The following NME7 variants were observed in gnomAD, a reference collection of about 807,000 sequenced individuals.
NME7 encodes nucleoside diphosphate kinase 7.
A neutral mutation model predicts 49.1 loss-of-function variants in NME7; 41 were observed. The observed-to-expected ratio is 0.83, with a 90% CI of 0.65 to 1.08. The LOEUF (loss-of-function observed/expected upper bound fraction) is 1.08, where lower values mean the gene tolerates loss of function less well. NME7 is among the 50% of genes least tolerant of loss of function. The pLI is 0.00. For synonymous variants in NME7, 139 were observed against 150.6 expected, an observed-to-expected ratio of 0.92 and a Z score of 0.56; for missense variants, 423 against 463.4, an observed-to-expected ratio of 0.91 and a Z score of 0.80.
At chr1:169,336,572 G>C (rs996271660) in intron 1 of NME7, among the ~76,000 whole-genome samples, 3 of 152,060 alleles carry the variant, frequency 2.0e-5, no homozygotes, top group Admixed American at 2.0e-4. Flanking sequence ...ACAGAGTGTC[G>C]ATTGGTGCAT....
chr1:169,227,822 G>T (rs1647406439), intron 10 of NME7, among the ~76,000 whole-genome samples: 1 of 152,060 alleles, frequency 6.6e-6, no homozygotes, highest in Non-Finnish European at 1.5e-5. Context: ...AAACCACTGT[G>T]TCACACATTC....
intron 11 of NME7, among the ~76,000 whole-genome samples, chr1:169,135,769 C>T (rs1658409850): frequency 6.6e-6 from 1 of 152,054 alleles, no homozygotes; most frequent in Non-Finnish European, 1.5e-5. Context: ...TTGGTTCATG[C>T]TTTAATTCTC....
intron 5 of NME7, among the ~76,000 whole-genome samples, chr1:169,299,108 C>T (rs780497736): frequency 2.0e-5 from 3 of 152,160 alleles, no homozygotes; most frequent in African/African-American, 4.8e-5. Flanking sequence ...TTTTTATTTA[C>T]ATGTGTTTAC....
chr1:169,211,064 A>G (rs3766077), intron 10 of NME7, among the ~76,000 whole-genome samples: 46,582 of 151,816 alleles, frequency 0.31, 7,735 homozygotes, highest in Non-Finnish European at 0.39. Context: ...ATCAAAGAAC[A>G]TATCTCATGT....
At chr1:169,198,538 AAAGTACTG>A (rs1660453828) in intron 10 of NME7, among the ~76,000 whole-genome samples, 1 of 152,152 alleles carries the variant, frequency 6.6e-6, no homozygotes, top group Non-Finnish European at 1.5e-5. Flanking sequence ...AAAAAGGAAT[AAAGTACTG>A]AATGCATGAT....
intron 7 of NME7, among the ~76,000 whole-genome samples, chr1:169,241,281 G>A (rs4656667): frequency 0.38 from 57,267 of 151,714 alleles, 11,517 homozygotes; most frequent in East Asian, 0.79. Context: ...TAAAAATACA[G>A]TAACTACTAG....
chr1:169,286,083 G>C (rs1292621647), intron 7 of NME7: 2 of 151,982 alleles, frequency 1.3e-5, no homozygotes, highest in Non-Finnish European at 2.9e-5. Flanking sequence ...ATATTAATGA[G>C]GACTTAACAG....
chr1:169,277,943 T>G (rs1474560940), intron 7 of NME7, among the ~76,000 whole-genome samples: 1 of 146,664 alleles, frequency 6.8e-6, no homozygotes, highest in Non-Finnish European at 1.5e-5. Flanking sequence ...CCTTCGCTTA[T>G]GAAGCTTAGT....
intron 7 of NME7, among the ~76,000 whole-genome samples, chr1:169,282,233 C>T (rs1021041427): frequency 2.6e-5 from 4 of 152,134 alleles, no homozygotes; most frequent in Admixed American, 2.0e-4. Context: ...AGTTTATTTG[C>T]GTAGAGGTGT....
intron 1 of NME7, among the ~76,000 whole-genome samples, chr1:169,338,817 G>A (rs989868503): frequency 6.6e-6 from 1 of 152,170 alleles, no homozygotes; most frequent in African/African-American, 2.4e-5. Context: ...GGAAACAGAA[G>A]GTCAGATAAG....
At chr1:169,323,065 C>G (rs1651913043) in intron 3 of NME7, 52 bp downstream of exon 3, 1 of 1,423,422 alleles carries the variant, frequency 7.0e-7, no homozygotes, top group Admixed American at 2.4e-5. Flanking sequence ...TTCAGATTGA[C>G]TTTGAACCCA....
At chr1:169,365,860 G>A (rs2101995594) in intron 1 of NME7, among the ~76,000 whole-genome samples, 3 of 152,316 alleles carry the variant, frequency 2.0e-5, no homozygotes, top group Middle Eastern at 6.8e-3. Flanking sequence ...AGAAATAGAA[G>A]AGGGAGGAAT....
intron 3 of NME7, among the ~76,000 whole-genome samples, chr1:169,314,942 T>C (rs1651557907): frequency 6.6e-6 from 1 of 152,084 alleles, no homozygotes; most frequent in South Asian, 2.1e-4. Context: ...GTAAAAGGCA[T>C]TGCTAGAGAT....
intron 11 of NME7, among the ~76,000 whole-genome samples, chr1:169,164,109 CAAAAAA>C (rs34543492): frequency 8.0e-6 from 1 of 125,250 alleles, no homozygotes; most frequent in Non-Finnish European, 1.7e-5. Flanking sequence ...GACTCTGTCT[CAAAAAA>C]AAAAAAAAAA....
intron 10 of NME7, 120 bp from the exon 11 acceptor site, chr1:169,169,674 A>T (rs1414741498): frequency 1.1e-5 from 9 of 831,784 alleles, no homozygotes; most frequent in Non-Finnish European, 1.7e-5. Context: ...GACAGTGCTT[A>T]TAAGGGTTTT....
At chr1:169,141,424 A>C (rs1188193989) in intron 11 of NME7, among the ~76,000 whole-genome samples, 1 of 152,216 alleles carries the variant, frequency 6.6e-6, no homozygotes, top group Non-Finnish European at 1.5e-5. Context: ...AAGGAAATAA[A>C]GCAGGCTTAC....
intron 10 of NME7, among the ~76,000 whole-genome samples, chr1:169,214,923 C>T (rs1351424680): frequency 6.6e-6 from 1 of 152,246 alleles, no homozygotes; most frequent in Non-Finnish European, 1.5e-5. Flanking sequence ...CTCAGTGGGC[C>T]CTTTGCCTTA....
intron 4 of NME7, among the ~76,000 whole-genome samples, chr1:169,305,154 T>TA (rs1469654011): frequency 1.3e-5 from 2 of 152,182 alleles, no homozygotes; most frequent in Non-Finnish European, 2.9e-5. Context: ...ACGATGAGAG[T>TA]TCATAAATTT....
intron 11 of NME7, among the ~76,000 whole-genome samples, chr1:169,165,298 A>AAAATAAAT (rs150919885): frequency 0.013 from 1,960 of 150,414 alleles, 49 homozygotes; most frequent in African/African-American, 0.045. Context: ...GTTTGCTATA[A>AAAATAAAT]AAATAAATAA....
Sources: allele counts gnomAD v4.1 joint callset (sites outside exome capture counted in the v4.1 genomes callset), GRCh38; gene constraint gnomAD v4.1.1; transcripts MANE v1.5; gene names NCBI Gene and HGNC (gene_info 2026-07-23, HGNC 2026-07-21).